The following TMTC3 variants were observed in gnomAD, a reference collection of about 807,000 sequenced individuals.
TMTC3 encodes the protein transmembrane O-mannosyltransferase targeting cadherins 3, also known as protein O-mannosyl-transferase TMTC3.
TMTC3 carries 52 observed loss-of-function variants against 92.2 expected under a neutral mutation model. That is an observed-to-expected ratio of 0.56 (90% CI 0.45 to 0.71). The LOEUF (loss-of-function observed/expected upper bound fraction) is 0.71, where lower values mean the gene tolerates loss of function less well. Among genes scored for constraint, TMTC3 ranks in the 30% least tolerant of loss-of-function variants. TMTC3 has a pLI of 0.00. For missense variants in TMTC3, 896 were observed against 1,057.1 expected (o/e 0.85, Z 2.11); for synonymous variants, 339 against 363.3 (o/e 0.93, Z 0.76).
At chr12:88,168,950 A>G (rs1029860302) in intron 7 of TMTC3, among the ~76,000 whole-genome samples, 12 of 152,218 alleles carry the variant, frequency 7.9e-5, no homozygotes, top group Non-Finnish European at 1.6e-4. Flanking sequence ...GGCCTGAGAT[A>G]GAAGAGACAC....
At chr12:88,156,814 T>TTG (rs1833439177) in intron 4 of TMTC3, among the ~76,000 whole-genome samples, 1 of 150,182 alleles carries the variant, frequency 6.7e-6, no homozygotes, top group South Asian at 2.1e-4. Context: ...TGTGTGTGTT[T>TTG]TTTTTTTTTT....
intron 11 of TMTC3, among the ~76,000 whole-genome samples, chr12:88,189,967 C>A (rs551501534): frequency 6.6e-6 from 1 of 151,828 alleles, no homozygotes; most frequent in African/African-American, 2.4e-5. Flanking sequence ...ATTAACTATC[C>A]TATCACTATT....
intron 10 of TMTC3, among the ~76,000 whole-genome samples, chr12:88,186,544 G>T (rs1048117930): frequency 6.6e-6 from 1 of 152,144 alleles, no homozygotes; most frequent in African/African-American, 2.4e-5. Flanking sequence ...TTAAAAGCTA[G>T]ATTGTTAACT....
chr12:88,147,198 A>G (rs549864094), intron 1 of TMTC3, among the ~76,000 whole-genome samples: 17 of 152,202 alleles, frequency 1.1e-4, no homozygotes, highest in East Asian at 5.8e-4. Flanking sequence ...AATTAGATAC[A>G]TAAGTTGTTC....
intron 10 of TMTC3, among the ~76,000 whole-genome samples, chr12:88,182,586 T>C (rs894192729): frequency 1.3e-5 from 2 of 152,210 alleles, no homozygotes; most frequent in Non-Finnish European, 2.9e-5. Flanking sequence ...AAGACAATTG[T>C]ACTTTTTCAG....
intron 12 of TMTC3, 60 bp downstream of exon 12, chr12:88,190,682 A>T: frequency 1.3e-6 from 2 of 1,499,770 alleles, no homozygotes; most frequent in Non-Finnish European, 1.8e-6. Flanking sequence ...CTCCATGTAC[A>T]TTTTGAATGA....
intron 7 of TMTC3, among the ~76,000 whole-genome samples, chr12:88,169,792 A>G (rs2041184726): frequency 6.6e-6 from 1 of 152,108 alleles, no homozygotes; most frequent in African/African-American, 2.4e-5. Context: ...TTTTTAAATT[A>G]GCCAGGCATG....
At chr12:88,155,523 A>G (rs1462370297) in intron 4 of TMTC3, among the ~76,000 whole-genome samples, 2 of 152,176 alleles carry the variant, frequency 1.3e-5, no homozygotes, top group African/African-American at 2.4e-5. Flanking sequence ...TGTCTTCACT[A>G]TAGCTAGATA....
At chr12:88,167,599 A>G (rs2041160229) in intron 7 of TMTC3, among the ~76,000 whole-genome samples, 2 of 152,198 alleles carry the variant, frequency 1.3e-5, no homozygotes, top group South Asian at 4.1e-4. Context: ...TGCTGAGGTT[A>G]TGATAGTAAA....
rs375722916 is a variant in TMTC3, at chr12:88,160,108, T to C, written c.509-6T>C. On this transcript the variant is annotated splice_polypyrimidine_tract_variant and splice_region_variant and intron_variant, in intron 4 of 13. Coordinates refer to ENST00000266712, the MANE Select transcript of TMTC3 (RefSeq NM_181783.4). ...AATTTTTATATTTTCTGTTCTCAAA[T>C]TGCAGTATGGACTCCAATTGCCTTG... The C allele has an allele frequency of 5.9e-5, 90 of 1,536,236 alleles. No individual in the cohort carries two copies. Among genetic ancestry groups the C allele is most frequent in the Non-Finnish European group, 7.7e-5 (88 of 1,137,450 alleles).
chr12:88,191,221 T>C (rs2041438747), intron 12 of TMTC3, among the ~76,000 whole-genome samples: 2 of 152,178 alleles, frequency 1.3e-5, no homozygotes, highest in Non-Finnish European at 2.9e-5. Context: ...GAAAGTACAT[T>C]CTGAATTTAA....
chr12:88,174,674 C>T lies in TMTC3; in HGVS notation c.1267C>T (p.His423Tyr). 6.2e-7 allele frequency: 1 copy of T among 1,612,300 alleles called. No homozygotes were observed. The highest frequency in any genetic ancestry group is 8.5e-7 in the Non-Finnish European group (1 of 1,178,966). Residue 423 changes from histidine to tyrosine, a missense_variant, in exon 9 of 14, where the codon CAC becomes TAC. Physicochemically the swap from His to Tyr is moderately conservative, Grantham distance 83 (BLOSUM62 2). Coordinates refer to ENST00000266712, the MANE Select transcript of TMTC3 (RefSeq NM_181783.4). ...VILTHSLKTF[H>Y]RNWDWESEYT... ...ACTCACTCATTCCTTAAAAACATTC[C>T]ACAGAAATTGGGATTGGGAGTCTGA...
Position 88,153,438 on chromosome 12 carries a change from C to G in TMTC3, c.337C>G (p.Leu113Val), listed in dbSNP as rs78527125. ...TGTGATATTTCTCAAAGTATGCAAA[C>G]TTTTTCTGGACAACAAGAGTAGTGT... ...VSVIFLKVCK[L>V]FLDNKSSVIA... The change falls in exon 3 of 14, where the codon CTT (leucine) becomes GTT (valine). Residue 113 changes from leucine (L) to valine (V), a missense_variant. Transcript: ENST00000266712. 4.3e-4 allele frequency: 700 copies of G among 1,613,608 alleles called. 9 individuals are homozygous for G. In the East Asian group the frequency reaches 0.016, roughly 36 times the overall value.
In TMTC3 at chr12:88,195,234, T is replaced by A. The variant is rs2041496313; in HGVS notation, c.2330T>A (p.Leu777His). 6 of 1,613,782 alleles carry A rather than the reference T, an allele frequency of 3.7e-6. No individual in the cohort carries two copies. Among genetic ancestry groups the A allele is most frequent in the Non-Finnish European group, 5.1e-6 (6 of 1,179,944 alleles). Reference sequence around the variant, plus strand: ...AGCAATGTGCAAGGAAAACACAATCTTTGTGTTGTTTATTTTGAAGAAAAA... The same window carrying A: ...AGCAATGTGCAAGGAAAACACAATCATTGTGTTGTTTATTTTGAAGAAAAA... The part of the protein sequence containing the change: ...DPSNVQGKHN[L>H]CVVYFEEKDL... The change falls in exon 14 of 14, where the codon CTT becomes CAT. Residue 777 changes from leucine (L) to histidine (H), a missense_variant. Coordinates refer to ENST00000266712, the MANE Select transcript of TMTC3 (RefSeq NM_181783.4).
chr12:88,187,417 A>G (rs2041390261), intron 10 of TMTC3, among the ~76,000 whole-genome samples: 1 of 152,132 alleles, frequency 6.6e-6, no homozygotes, highest in Non-Finnish European at 1.5e-5. Context: ...TCTGAACATT[A>G]TGTTTTGATG....
At chr12:88,150,184 G>C (rs1312964246) in intron 2 of TMTC3, among the ~76,000 whole-genome samples, 1 of 152,176 alleles carries the variant, frequency 6.6e-6, no homozygotes, top group African/African-American at 2.4e-5. Context: ...GAAGCTTGCA[G>C]TCATGGCAGA....
intron 7 of TMTC3, among the ~76,000 whole-genome samples, chr12:88,167,702 A>G (rs35275693): frequency 0.037 from 5,664 of 152,252 alleles, 331 homozygotes; most frequent in Admixed American, 0.12. Flanking sequence ...TACAGAGTAG[A>G]TTTAAAGATT....
chr12:88,177,874 C>T (rs2041276976), intron 10 of TMTC3, among the ~76,000 whole-genome samples: 1 of 152,096 alleles, frequency 6.6e-6, no homozygotes, highest in Non-Finnish European at 1.5e-5. Flanking sequence ...GTCATCAAGA[C>T]CACAGTATTC....
intron 4 of TMTC3, among the ~76,000 whole-genome samples, chr12:88,156,082 C>T (rs755189125): frequency 3.9e-5 from 6 of 152,100 alleles, no homozygotes; most frequent in Admixed American, 1.3e-4. Context: ...CGCACTCCAG[C>T]CTGGGAGACA....
Sources: gnomAD v4.1 joint callset for allele counts (sites outside exome capture counted in the v4.1 genomes callset) on GRCh38, gnomAD v4.1.1 for gene constraint, MANE v1.5 for transcripts, NCBI Gene and HGNC (gene_info 2026-07-23, HGNC 2026-07-21) for gene names.